Variants in MYRIP observed in about 807,000 individuals in gnomAD.
The protein encoded by MYRIP is rab effector MyRIP.
Under a neutral mutation model 98.0 loss-of-function variants are expected in MYRIP, and 49 were observed. The observed-to-expected ratio is 0.50, with a 90% CI of 0.40 to 0.63. The LOEUF (loss-of-function observed/expected upper bound fraction) is 0.63, where lower values mean the gene tolerates loss of function less well. MYRIP is among the 30% of genes least tolerant of loss of function. The pLI is 0.00. For synonymous variants in MYRIP, 404 were observed against 409.5 expected (o/e 0.99, Z 0.16); for missense variants, 1,004 against 1,058.2 (o/e 0.95, Z 0.71).
chr3:39,888,897 A>C (rs890475099), intron 1 of MYRIP, among the ~76,000 whole-genome samples: 12 of 152,228 alleles, frequency 7.9e-5, no homozygotes, highest in Non-Finnish European at 1.5e-4. Context: ...TCAAAAGAAG[A>C]CATTTATGCA....
At chr3:40,094,639 A>G (rs957045225) in intron 3 of MYRIP, among the ~76,000 whole-genome samples, 2 of 152,150 alleles carry the variant, frequency 1.3e-5, no homozygotes, top group East Asian at 3.9e-4. Flanking sequence ...GATTCTCAGT[A>G]GGTGTTTGGG....
At chr3:39,899,265 A>G (rs757722136) in intron 1 of MYRIP, among the ~76,000 whole-genome samples, 12 of 152,128 alleles carry the variant, frequency 7.9e-5, no homozygotes, top group Non-Finnish European at 1.6e-4. Context: ...TCTCAACATT[A>G]TGTTAAGATT....
intron 2 of MYRIP, among the ~76,000 whole-genome samples, chr3:40,035,880 T>A (rs1265739962): frequency 6.6e-6 from 1 of 151,796 alleles, no homozygotes; most frequent in East Asian, 1.9e-4. Flanking sequence ...TCAATACAAT[T>A]TCAAAAGGAT....
At chr3:39,911,714 G>A (rs566107780) in intron 2 of MYRIP, among the ~76,000 whole-genome samples, 2 of 152,316 alleles carry the variant, frequency 1.3e-5, no homozygotes, top group South Asian at 2.1e-4. Flanking sequence ...GCCTGAAAAC[G>A]CAGAGGAGGT....
intron 1 of MYRIP, among the ~76,000 whole-genome samples, chr3:39,872,444 G>C (rs534185603): frequency 6.6e-6 from 1 of 151,176 alleles, no homozygotes. Context: ...CCATTAACTC[G>C]TCATTTAGCA....
chr3:40,221,476 C>T (rs1386742710), intron 11 of MYRIP, among the ~76,000 whole-genome samples: 1 of 152,106 alleles, frequency 6.6e-6, no homozygotes, highest in South Asian at 2.1e-4. Context: ...CAAAAAAATA[C>T]AAAAATTAGC....
chr3:39,994,184 A>G (rs1168415712), intron 2 of MYRIP, among the ~76,000 whole-genome samples: 3 of 152,216 alleles, frequency 2.0e-5, no homozygotes, highest in African/African-American at 7.2e-5. Context: ...AGTGTCGGAC[A>G]GTGGGTGCAG....
At chr3:40,024,793 C>T (rs1947085391) in intron 2 of MYRIP, among the ~76,000 whole-genome samples, 1 of 152,142 alleles carries the variant, frequency 6.6e-6, no homozygotes, top group South Asian at 2.1e-4. Flanking sequence ...TGCCTGATTT[C>T]ACTCTCTGGC....
chr3:40,015,302 GT>G (rs1946837678), intron 2 of MYRIP, among the ~76,000 whole-genome samples: 1 of 152,184 alleles, frequency 6.6e-6, no homozygotes, highest in Non-Finnish European at 1.5e-5. Context: ...ATTTGTTCAG[GT>G]TTGTTGCAGG....
chr3:40,065,272 A>T (rs149977092), intron 3 of MYRIP, among the ~76,000 whole-genome samples: 327 of 152,206 alleles, frequency 2.1e-3, no homozygotes, highest in African/African-American at 7.4e-3. Flanking sequence ...TCTTATAATG[A>T]CACCCATATT....
intron 1 of MYRIP, among the ~76,000 whole-genome samples, chr3:39,836,795 G>C (rs111773439): frequency 0.082 from 12,529 of 152,240 alleles, 571 homozygotes; most frequent in African/African-American, 0.12. Flanking sequence ...AAACACACTT[G>C]TGGATAATTA....
chr3:39,937,284 A>G (rs1230685007), intron 2 of MYRIP, among the ~76,000 whole-genome samples: 1 of 152,238 alleles, frequency 6.6e-6, no homozygotes, highest in Non-Finnish European at 1.5e-5. Context: ...AAAATGTGAA[A>G]GAGAAAGTAG....
At chr3:40,081,038 T>A (rs1041436873) in intron 3 of MYRIP, among the ~76,000 whole-genome samples, 13 of 152,094 alleles carry the variant, frequency 8.5e-5, no homozygotes, top group Non-Finnish European at 1.3e-4. Context: ...TAACAAAATA[T>A]GAGGTTTTTC....
At chr3:39,886,975 T>G (rs1289675226) in intron 1 of MYRIP, among the ~76,000 whole-genome samples, 2 of 151,722 alleles carry the variant, frequency 1.3e-5, no homozygotes, top group Non-Finnish European at 2.9e-5. Flanking sequence ...AGAACAGAAA[T>G]TATAACAAAC....
intron 3 of MYRIP, among the ~76,000 whole-genome samples, chr3:40,047,258 T>C (rs897799230): frequency 6.6e-6 from 1 of 152,256 alleles, no homozygotes; most frequent in Non-Finnish European, 1.5e-5. Flanking sequence ...TTCTAGCAAC[T>C]TAATGAGGAG....
chr3:39,925,528 A>G (rs1944404146), intron 2 of MYRIP, among the ~76,000 whole-genome samples: 1 of 151,852 alleles, frequency 6.6e-6, no homozygotes. Flanking sequence ...TCCCATCTTT[A>G]TGTCCATGTA....
At chr3:39,864,223 C>A (rs1441022442) in intron 1 of MYRIP, among the ~76,000 whole-genome samples, 1 of 152,046 alleles carries the variant, frequency 6.6e-6, no homozygotes, top group East Asian at 1.9e-4. Context: ...GGAAGCATTC[C>A]CCTTTGAAAA....
intron 3 of MYRIP, among the ~76,000 whole-genome samples, chr3:40,049,863 T>G (rs1344743168): frequency 1.3e-5 from 2 of 151,976 alleles, no homozygotes; most frequent in African/African-American, 4.8e-5. Context: ...GGGGAGAAAG[T>G]TTGTGAGGTC....
chr3:40,039,520 G>C (rs2125827522), intron 2 of MYRIP, among the ~76,000 whole-genome samples: 1 of 152,118 alleles, frequency 6.6e-6, no homozygotes, highest in East Asian at 1.9e-4. Flanking sequence ...ATCAGTGGGG[G>C]ATCTCAAGCA....
Sources: allele counts gnomAD v4.1 joint callset (sites outside exome capture counted in the v4.1 genomes callset), GRCh38; gene constraint gnomAD v4.1.1; transcripts MANE v1.5; gene names NCBI Gene and HGNC (gene_info 2026-07-23, HGNC 2026-07-21).